The following KLRG1 variants were observed in gnomAD, a reference collection of about 807,000 sequenced individuals.
KLRG1 encodes the protein killer cell lectin like receptor G1.
Under a neutral mutation model 21.8 loss-of-function variants are expected in KLRG1, and 16 were observed. The ratio of observed to expected loss-of-function variants is 0.73; its 90% CI spans 0.50 to 1.11. The LOEUF (loss-of-function observed/expected upper bound fraction) is 1.11, where lower values mean the gene tolerates loss of function less well. Among genes scored for constraint, KLRG1 ranks in the 50% most tolerant of loss-of-function variants. The pLI is 0.00. For missense variants in KLRG1, 173 were observed against 218.3 expected (o/e 0.79, Z 1.31); for synonymous variants, 69 against 75.9 (o/e 0.91, Z 0.47).
the KLRG1 span, chr12:9,169,064 G>T: frequency 1.1e-6 from 1 of 902,548 alleles, no homozygotes; most frequent in Non-Finnish European, 1.8e-6. Flanking sequence ...TGTAATTCCA[G>T]TATCCTTATA....
the KLRG1 span, among the ~76,000 whole-genome samples, chr12:9,112,996 T>C: frequency 3.3e-5 from 5 of 152,170 alleles, no homozygotes; most frequent in Non-Finnish European, 7.3e-5. Context: ...TTAGAAGTAG[T>C]GTGGAGTGAT....
chr12:9,081,771 A>T, the KLRG1 span, among the ~76,000 whole-genome samples: 1 of 152,218 alleles, frequency 6.6e-6, no homozygotes, highest in Non-Finnish European at 1.5e-5. Flanking sequence ...CTTCTCAGGA[A>T]GCCCACTCTG....
At chr12:9,122,159 CA>C in the KLRG1 span, among the ~76,000 whole-genome samples, 2 of 152,156 alleles carry the variant, frequency 1.3e-5, no homozygotes, top group African/African-American at 4.8e-5. Context: ...TTTTTTCCTA[CA>C]TTAAGTATTT....
intron 1 of KLRG1, among the ~76,000 whole-genome samples, chr12:8,958,062 T>C (rs1301446080): frequency 6.6e-6 from 1 of 152,148 alleles, no homozygotes; most frequent in Non-Finnish European, 1.5e-5. Context: ...ATGTCTGTAA[T>C]TTATTTTTAA....
chr12:9,112,192 G>A, the KLRG1 span: 1 of 1,613,754 alleles, frequency 6.2e-7, no homozygotes, highest in Non-Finnish European at 8.5e-7. Flanking sequence ...TTTCATCCAT[G>A]GAGACAACAC....
the KLRG1 span, among the ~76,000 whole-genome samples, chr12:9,215,423 G>A: frequency 6.6e-6 from 1 of 151,764 alleles, no homozygotes; most frequent in Admixed American, 6.6e-5. Flanking sequence ...ATTAAATTGT[G>A]ATTACTTTTT....
the KLRG1 span, chr12:9,091,494 A>ATTCTC: frequency 2.7e-6 from 4 of 1,495,704 alleles, no homozygotes; most frequent in African/African-American, 1.4e-5. Context: ...TAGGGAGAGA[A>ATTCTC]TCCCTAGGAA....
At chr12:9,146,436 T>C in the KLRG1 span, among the ~76,000 whole-genome samples, 1 of 152,180 alleles carries the variant, frequency 6.6e-6, no homozygotes, top group Non-Finnish European at 1.5e-5. Flanking sequence ...TTGACTTCAG[T>C]GAGCATCTTT....
rs1165359516 is a variant in KLRG1 at position 8,956,393 on chromosome 12, C to T, written c.-156+6157C>T. On this transcript the variant is annotated intron_variant, in intron 1 of 4. Transcript: ENST00000539240. ...CTGAGACTCTTCGGGGTGCAGACCT[C>T]GGGATTCCCCAAGCCAGAGCTGTAA... Among the ~76,000 whole-genome samples the T allele has an allele frequency of 5.9e-5, 9 of 152,166 alleles. No homozygotes were observed. The South Asian group carries it at 1.5e-3, about 25-fold the overall frequency.
At chr12:8,953,481 A>G (rs868165960) in intron 1 of KLRG1, among the ~76,000 whole-genome samples, 1 of 152,320 alleles carries the variant, frequency 6.6e-6, no homozygotes, top group South Asian at 2.1e-4. Flanking sequence ...AAATGTGCCA[A>G]ATGGGAAGAC....
chr12:9,157,943 A>T, the KLRG1 span: 8 of 979,474 alleles, frequency 8.2e-6, no homozygotes, highest in South Asian at 1.0e-4. Context: ...TTCCATTCAA[A>T]GTATACCATT....
the KLRG1 span, chr12:9,077,308 A>T: frequency 1.3e-6 from 2 of 1,572,388 alleles, no homozygotes; most frequent in African/African-American, 2.7e-5. Flanking sequence ...CATTGCATCC[A>T]GAACTCTCCT....
chr12:9,186,383 G>T, the KLRG1 span, among the ~76,000 whole-genome samples: 2,148 of 152,298 alleles, frequency 0.014, 74 homozygotes, highest in Admixed American at 0.081. Flanking sequence ...CATGATGGCA[G>T]ATTCAAATTC....
chr12:8,960,738 G>A (rs772038953), intron 1 of KLRG1, among the ~76,000 whole-genome samples: 1 of 152,122 alleles, frequency 6.6e-6, no homozygotes, highest in Non-Finnish European at 1.5e-5. Context: ...TGGGGCCAAG[G>A]GCAGATTTGT....
the KLRG1 span, among the ~76,000 whole-genome samples, chr12:9,083,680 G>A: frequency 6.8e-6 from 1 of 146,668 alleles, no homozygotes; most frequent in Non-Finnish European, 1.5e-5. Flanking sequence ...TTGCATTAAA[G>A]AAAGTCCAGA....
At chr12:9,149,568 G>T in the KLRG1 span, 1 of 1,612,840 alleles carries the variant, frequency 6.2e-7, no homozygotes, top group South Asian at 1.1e-5. Context: ...TACCTGTGCT[G>T]CAGGGGGCGA....
At chr12:9,215,013 A>G in the KLRG1 span, among the ~76,000 whole-genome samples, 9 of 151,980 alleles carry the variant, frequency 5.9e-5, no homozygotes, top group Admixed American at 5.9e-4. Flanking sequence ...ATTATCAGAT[A>G]TATGATTTGA....
chr12:9,016,283 G>C, the KLRG1 span, among the ~76,000 whole-genome samples: 2 of 151,916 alleles, frequency 1.3e-5, no homozygotes, highest in Non-Finnish European at 2.9e-5. Flanking sequence ...AAAAAAGAGA[G>C]ACGATCCAAA....
At chr12:9,079,626 A>C in the KLRG1 span, 2 of 1,607,474 alleles carry the variant, frequency 1.2e-6, no homozygotes, top group Non-Finnish European at 1.7e-6. Flanking sequence ...CCCTTACTCA[A>C]GTAATCACTC....
Sources: gnomAD v4.1 joint callset for allele counts (sites outside exome capture counted in the v4.1 genomes callset) on GRCh38, gnomAD v4.1.1 for gene constraint, MANE v1.5 for transcripts, NCBI Gene and HGNC (gene_info 2026-07-23, HGNC 2026-07-21) for gene names.